The following SGCZ variants were observed in gnomAD, a reference collection of about 807,000 sequenced individuals.
SGCZ encodes the protein zeta-sarcoglycan.
SGCZ carries 40 observed loss-of-function variants against 41.3 expected under a neutral mutation model. The observed-to-expected ratio is 0.97, with a 90% CI of 0.75 to 1.26. The LOEUF (loss-of-function observed/expected upper bound fraction) is 1.26, where lower values mean the gene tolerates loss of function less well. Ranked by LOEUF, SGCZ falls within the 50% of genes most tolerant of loss-of-function variation. The pLI, the probability that SGCZ is intolerant of heterozygous loss-of-function variation, is 0.00. For synonymous variants in SGCZ, 206 were observed against 137.5 expected (o/e 1.50, Z -3.49); for missense variants, 552 against 369.8 (o/e 1.49, Z -4.04).
chr8:14,514,623 A>G (rs1423725058), intron 2 of SGCZ, among the ~76,000 whole-genome samples: 4 of 150,024 alleles, frequency 2.7e-5, no homozygotes, highest in South Asian at 2.1e-4. Context: ...ATATATTTAT[A>G]TTTCAGGGTT....
intron 1 of SGCZ, among the ~76,000 whole-genome samples, chr8:15,084,858 G>C (rs185869874): frequency 6.6e-6 from 1 of 152,284 alleles, no homozygotes; most frequent in East Asian, 1.9e-4. Flanking sequence ...TCACTTAGCA[G>C]AACCCCAATA....
At chr8:14,793,069 C>T (rs1801007485) in intron 1 of SGCZ, among the ~76,000 whole-genome samples, 1 of 152,190 alleles carries the variant, frequency 6.6e-6, no homozygotes. Flanking sequence ...CTATCTCCAC[C>T]ATGTTCCTAT....
chr8:14,318,220 A>G (rs1245392029), intron 3 of SGCZ, among the ~76,000 whole-genome samples: 1 of 151,768 alleles, frequency 6.6e-6, no homozygotes, highest in Non-Finnish European at 1.5e-5. Flanking sequence ...GGAAGAGAAA[A>G]GGAGAGGAAC....
intron 1 of SGCZ, among the ~76,000 whole-genome samples, chr8:15,176,795 A>G (rs1490067785): frequency 6.6e-6 from 1 of 152,144 alleles, no homozygotes; most frequent in Non-Finnish European, 1.5e-5. Flanking sequence ...AGGTCAGGAG[A>G]TCGAGACCAT....
chr8:14,246,670 C>G (rs7008422), intron 3 of SGCZ, among the ~76,000 whole-genome samples: 120,098 of 151,430 alleles, frequency 0.79, 47,775 homozygotes, highest in Non-Finnish European at 0.8. Flanking sequence ...CACTTTGGGA[C>G]GCCGAGGCGG....
chr8:14,540,798 A>C (rs1803442220), intron 2 of SGCZ, among the ~76,000 whole-genome samples: 1 of 151,896 alleles, frequency 6.6e-6, no homozygotes, highest in Non-Finnish European at 1.5e-5. Context: ...CATAAGTAGT[A>C]CATTATTCTT....
chr8:14,668,394 T>A (rs1807985538), intron 1 of SGCZ, among the ~76,000 whole-genome samples: 1 of 152,168 alleles, frequency 6.6e-6, no homozygotes, highest in Non-Finnish European at 1.5e-5. Flanking sequence ...ATTTGATTAC[T>A]TAAAAAAATA....
intron 1 of SGCZ, among the ~76,000 whole-genome samples, chr8:15,090,883 G>A (rs549325919): frequency 6.6e-6 from 1 of 152,264 alleles, no homozygotes; most frequent in African/African-American, 2.4e-5. Flanking sequence ...CAAGGGAAAC[G>A]CTAAGCAGCC....
At chr8:15,176,415 G>T (rs998856887) in intron 1 of SGCZ, among the ~76,000 whole-genome samples, 26 of 151,958 alleles carry the variant, frequency 1.7e-4, no homozygotes, top group Admixed American at 1.7e-3. Context: ...GGCATTTGAC[G>T]GCAAATAGTC....
chr8:14,810,963 A>G (rs1262499026), intron 1 of SGCZ, among the ~76,000 whole-genome samples: 1 of 152,058 alleles, frequency 6.6e-6, no homozygotes, highest in African/African-American at 2.4e-5. Flanking sequence ...GGATGTCAGT[A>G]GTTTATATCA....
At chr8:14,327,397 C>T (rs1193230463) in intron 2 of SGCZ, among the ~76,000 whole-genome samples, 1 of 152,182 alleles carries the variant, frequency 6.6e-6, no homozygotes, top group Non-Finnish European at 1.5e-5. Flanking sequence ...CTAAATTTCA[C>T]ACAGTGACTG....
At chr8:14,712,646 A>G (rs1422922254) in intron 1 of SGCZ, among the ~76,000 whole-genome samples, 2 of 152,154 alleles carry the variant, frequency 1.3e-5, no homozygotes, top group Non-Finnish European at 2.9e-5. Flanking sequence ...CAGCCTCAAC[A>G]CACCCACTTA....
chr8:14,819,411 T>C (rs1802005079), intron 1 of SGCZ, among the ~76,000 whole-genome samples: 1 of 152,128 alleles, frequency 6.6e-6, no homozygotes, highest in Non-Finnish European at 1.5e-5. Flanking sequence ...TATCATCCCA[T>C]TGTCTCCTAG....
chr8:14,610,810 A>C (rs965608200), intron 1 of SGCZ, among the ~76,000 whole-genome samples: 4 of 152,222 alleles, frequency 2.6e-5, no homozygotes, highest in African/African-American at 9.6e-5. Flanking sequence ...GTGTTCACAC[A>C]GATACTTCAT....
At chr8:14,306,141 C>G (rs1801346061) in intron 3 of SGCZ, among the ~76,000 whole-genome samples, 1 of 152,182 alleles carries the variant, frequency 6.6e-6, no homozygotes, top group South Asian at 2.1e-4. Context: ...CAAAAGCTAA[C>G]TGAATCCATC....
At chr8:14,132,707 T>C (rs1803078606) in intron 5 of SGCZ, among the ~76,000 whole-genome samples, 1 of 152,194 alleles carries the variant, frequency 6.6e-6, no homozygotes, top group South Asian at 2.1e-4. Flanking sequence ...ATCTTGTTCC[T>C]TTTAGTAGCC....
At chr8:15,064,665 T>G (rs1805060339) in intron 1 of SGCZ, among the ~76,000 whole-genome samples, 1 of 152,116 alleles carries the variant, frequency 6.6e-6, no homozygotes, top group Admixed American at 6.5e-5. Context: ...TCCTCATAAT[T>G]GCTTCTTTGT....
At chr8:15,213,324 T>A (rs1000276472) in intron 1 of SGCZ, among the ~76,000 whole-genome samples, 2 of 151,832 alleles carry the variant, frequency 1.3e-5, no homozygotes, top group African/African-American at 4.8e-5. Context: ...CTAACAGAAG[T>A]AAAATATACA....
rs989470871 is a variant in SGCZ, at chr8:14,273,369, C to A, written c.337-35690G>T. 5.3e-5 allele frequency among the ~76,000 whole-genome samples: 8 copies of A among 152,120 alleles called. No individual in the cohort carries two copies. In the East Asian group the frequency reaches 1.5e-3, roughly 29 times the overall value. On this transcript the variant is annotated intron_variant, in intron 3 of 7. Transcript: ENST00000382080. ...AATGTGTCTAGTTTTGAAATGTGAG[C>A]ACAAAGCTCTCTCTTTCTGAAATGA...
Sources: gnomAD v4.1 joint callset for allele counts (sites outside exome capture counted in the v4.1 genomes callset) on GRCh38, gnomAD v4.1.1 for gene constraint, MANE v1.5 for transcripts, NCBI Gene and HGNC (gene_info 2026-07-23, HGNC 2026-07-21) for gene names.